TEX11: variants seen among roughly 807,000 people sequenced by gnomAD.
The protein encoded by TEX11 is testis-expressed protein 11.
Under a neutral mutation model 84.4 loss-of-function variants are expected in TEX11, and 7 were observed. The ratio of observed to expected loss-of-function variants is 0.08; its 90% confidence interval spans 0.05 to 0.16. The LOEUF (loss-of-function observed/expected upper bound fraction) is 0.16, where lower values mean the gene tolerates loss of function less well. Among genes scored for constraint, TEX11 ranks in the 10% least tolerant of loss-of-function variants. The pLI is 1.00. For missense variants in TEX11, 551 were observed against 660.5 expected (o/e 0.83, Z 1.82); for synonymous variants, 264 against 222.8 (o/e 1.18, Z -1.64).
At chrX:70,865,099 G>A (rs1266895387) in intron 4 of TEX11, among the ~76,000 whole-genome samples, 4 of 111,028 alleles carry the variant, frequency 3.6e-5, no homozygotes, top group Non-Finnish European at 5.7e-5. Flanking sequence ...GACACAGACC[G>A]GCAAATTGGA....
At chrX:70,649,289 C>A (rs1448310712) in intron 17 of TEX11, among the ~76,000 whole-genome samples, 1 of 112,063 alleles carries the variant, frequency 8.9e-6, no homozygotes, top group African/African-American at 3.2e-5. Context: ...TGAAGAATCA[C>A]CATGCTGTCT....
intron 25 of TEX11, among the ~76,000 whole-genome samples, chrX:70,570,313 C>G (rs1160098998): frequency 8.9e-6 from 1 of 112,073 alleles, no homozygotes; most frequent in Non-Finnish European, 1.9e-5. Flanking sequence ...GTCTGTCACC[C>G]CTTTCTTTGA....
At chrX:70,524,447 G>A (rs980899875), downstream of TEX11, among the ~76,000 whole-genome samples, 1 of 112,960 alleles carries the variant, frequency 8.9e-6, no homozygotes, top group African/African-American at 3.2e-5. Context: ...CAAATGTGCA[G>A]ATGATGTCAA....
chrX:70,853,109 A>G lies in TEX11; in HGVS notation c.450T>C (p.Pro150=). The change falls in exon 7 of 30, where the codon CCT becomes CCC. Residue 150 remains proline (P), a synonymous_variant. Coordinates refer to ENST00000374333, the MANE Select transcript of TEX11 (RefSeq NM_031276.3). The part of the protein sequence containing the change: ...LYVKLIQRSS[P]EADLTMEKIT... ...TCTTCTCCATGGTCAAGTCAGCCTC[A>G]GGGGAGCTCCTTTGAATTAATTTGA... 8.3e-7 allele frequency: 1 copy of G among 1,209,292 alleles called. No homozygotes were observed. Among genetic ancestry groups the G allele is most frequent in the Non-Finnish European group, 1.1e-6 (1 of 893,839 alleles).
intron 13 of TEX11, among the ~76,000 whole-genome samples, chrX:70,713,352 T>C (rs887703223): frequency 8.9e-6 from 1 of 112,202 alleles, no homozygotes; most frequent in East Asian, 2.8e-4. Flanking sequence ...ATTGGAATAG[T>C]TTCAGAAGGA....
At chrX:70,848,935 A>G (rs937466708) in intron 7 of TEX11, among the ~76,000 whole-genome samples, 12 of 111,858 alleles carry the variant, frequency 1.1e-4, no homozygotes, top group African/African-American at 3.6e-4. Context: ...CAGATGATGC[A>G]CACTGCAGAA....
intron 8 of TEX11, among the ~76,000 whole-genome samples, chrX:70,829,886 C>A (rs1041472038): frequency 9.1e-6 from 1 of 110,488 alleles, no homozygotes; most frequent in East Asian, 2.8e-4. Flanking sequence ...TTAAATCATA[C>A]CACCAGTGAA....
chrX:70,841,846 C>G (rs370632240), intron 7 of TEX11, among the ~76,000 whole-genome samples: 1 of 111,464 alleles, frequency 9.0e-6, no homozygotes, highest in Non-Finnish European at 1.9e-5. Context: ...GAGAATACTA[C>G]AAACACCTCT....
chrX:70,743,967 A>G (rs2090751490), intron 10 of TEX11, among the ~76,000 whole-genome samples, 198 bp downstream of exon 10: 1 of 109,960 alleles, frequency 9.1e-6, no homozygotes, highest in Admixed American at 9.9e-5. Flanking sequence ...CACTCTACAT[A>G]TATTAATTCA....
the TEX11 span, among the ~76,000 whole-genome samples, chrX:70,511,752 C>CAAAAAAAAAAAAAAAAAAA: frequency 6.1e-5 from 2 of 32,726 alleles, no homozygotes; most frequent in Admixed American, 2.8e-4. Flanking sequence ...GACTCCATCT[C>CAAAAAAAAAAAAAAAAAAA]AAAAAAAAAA....
chrX:70,656,934 C>T (rs2089872875), intron 16 of TEX11, among the ~76,000 whole-genome samples: 1 of 111,666 alleles, frequency 9.0e-6, no homozygotes, highest in South Asian at 3.8e-4. Flanking sequence ...AGGCTCCACA[C>T]TAAGGAGAAA....
At chrX:70,800,456 T>A (rs1332652586) in intron 9 of TEX11, among the ~76,000 whole-genome samples, 1 of 111,760 alleles carries the variant, frequency 8.9e-6, no homozygotes, top group Non-Finnish European at 1.9e-5. Flanking sequence ...TTTCTCCACT[T>A]CAATGTTAGA....
chrX:70,613,667 C>G (rs1485712648), intron 20 of TEX11, among the ~76,000 whole-genome samples: 1 of 111,592 alleles, frequency 9.0e-6, no homozygotes, highest in Non-Finnish European at 1.9e-5. Flanking sequence ...GGCTCAGAAC[C>G]AATGGACTTG....
intron 4 of TEX11, among the ~76,000 whole-genome samples, chrX:70,864,873 C>T (rs1382028318): frequency 9.0e-6 from 1 of 110,560 alleles, no homozygotes; most frequent in Non-Finnish European, 1.9e-5. Context: ...ACCAGGCCTG[C>T]CTTACAAGAG....
intron 4 of TEX11, among the ~76,000 whole-genome samples, chrX:70,863,185 C>G (rs762933466): frequency 8.9e-6 from 1 of 111,857 alleles, no homozygotes; most frequent in East Asian, 2.8e-4. Flanking sequence ...CTGATCCTAA[C>G]AAGGAGGATC....
At chrX:70,565,018 C>A (rs1238276800) in intron 25 of TEX11, among the ~76,000 whole-genome samples, 1 of 106,392 alleles carries the variant, frequency 9.4e-6, no homozygotes, top group African/African-American at 3.4e-5. Flanking sequence ...TACAGTCCCA[C>A]CAACAGTGTA....
At chrX:70,794,732 T>A (rs1354307055) in intron 9 of TEX11, among the ~76,000 whole-genome samples, 1 of 109,885 alleles carries the variant, frequency 9.1e-6, no homozygotes, top group African/African-American at 3.3e-5. Flanking sequence ...CAGAAGGGGA[T>A]CTGCTGCCTT....
chrX:70,868,727 G>C (rs1170969149), intron 4 of TEX11, among the ~76,000 whole-genome samples: 1 of 111,012 alleles, frequency 9.0e-6, no homozygotes, highest in Non-Finnish European at 1.9e-5. Flanking sequence ...GTCCTTTGCG[G>C]GGACATGGAT....
At chrX:70,636,431 C>A (rs764297877) in intron 17 of TEX11, among the ~76,000 whole-genome samples, 19 of 111,022 alleles carry the variant, frequency 1.7e-4, no homozygotes, top group Admixed American at 5.7e-4. Context: ...AGGCTAGCCC[C>A]CATGGACTGA....
Sources: allele counts gnomAD v4.1 joint callset (sites outside exome capture counted in the v4.1 genomes callset), GRCh38; gene constraint gnomAD v4.1.1; transcripts MANE v1.5; gene names NCBI Gene and HGNC (gene_info 2026-07-23, HGNC 2026-07-21).